DLC1: variants seen among roughly 807,000 people sequenced by gnomAD.
DLC1 encodes the protein DLC1 Rho GTPase activating protein.
Under a neutral mutation model 140.3 loss-of-function variants are expected in DLC1, and 54 were observed. The observed-to-expected ratio is 0.38, with a 90% confidence interval of 0.31 to 0.48. The LOEUF is 0.48. Among genes scored for constraint, DLC1 ranks in the 20% least tolerant of loss-of-function variants. The pLI, the probability that DLC1 is intolerant of heterozygous loss-of-function variation, is 0.96. For missense variants in DLC1, 2,536 were observed against 1,907.0 expected, an observed-to-expected ratio of 1.33 and a Z score of -6.14; for synonymous variants, 986 against 728.1, an observed-to-expected ratio of 1.35 and a Z score of -5.70.
chr8:13,435,967 AGATT>A (rs1373862303), intron 2 of DLC1, among the ~76,000 whole-genome samples: 2 of 152,226 alleles, frequency 1.3e-5, no homozygotes, highest in Admixed American at 1.3e-4. Context: ...ACCAGCAAAA[AGATT>A]GAGCTGCTGA....
At chr8:13,501,446 T>C (rs1359432934) in intron 1 of DLC1, among the ~76,000 whole-genome samples, 1 of 152,222 alleles carries the variant, frequency 6.6e-6, no homozygotes, top group Non-Finnish European at 1.5e-5. Context: ...CAGACACTTT[T>C]AGTTTTTACT....
intron 2 of DLC1, among the ~76,000 whole-genome samples, chr8:13,462,023 C>T (rs960092030): frequency 1.3e-5 from 2 of 152,134 alleles, no homozygotes; most frequent in African/African-American, 4.8e-5. Flanking sequence ...TCTTGTTCCT[C>T]TCTGTTCCAT....
intron 7 of DLC1, among the ~76,000 whole-genome samples, chr8:13,109,590 C>A (rs375280582): frequency 1.4e-5 from 2 of 144,888 alleles, no homozygotes; most frequent in Non-Finnish European, 1.5e-5. Context: ...AAAAACAGAA[C>A]AAAAAAAAAA....
intron 4 of DLC1, among the ~76,000 whole-genome samples, chr8:13,387,476 A>T (rs1238601434): frequency 6.7e-6 from 1 of 149,974 alleles, no homozygotes; most frequent in Non-Finnish European, 1.5e-5. Flanking sequence ...ATGATGTGAA[A>T]GGTAGAATTT....
At chr8:13,109,535 C>A (rs1021197978) in intron 7 of DLC1, among the ~76,000 whole-genome samples, 1 of 150,516 alleles carries the variant, frequency 6.6e-6, no homozygotes, top group African/African-American at 2.4e-5. Flanking sequence ...CCAGCCTGAG[C>A]GACAGAGTGA....
intron 5 of DLC1, among the ~76,000 whole-genome samples, chr8:13,288,309 G>C (rs941544193): frequency 1.3e-5 from 2 of 152,158 alleles, no homozygotes; most frequent in Non-Finnish European, 2.9e-5. Context: ...ATGGGGCAAT[G>C]TAACGGATTA....
At chr8:13,328,881 A>G (rs1426440399) in intron 4 of DLC1, among the ~76,000 whole-genome samples, 1 of 152,158 alleles carries the variant, frequency 6.6e-6, no homozygotes. Flanking sequence ...ATCTGGGACT[A>G]GGTGAGATGA....
At chr8:13,353,012 C>G (rs1011411734) in intron 4 of DLC1, among the ~76,000 whole-genome samples, 22 of 152,128 alleles carry the variant, frequency 1.4e-4, no homozygotes, top group African/African-American at 3.6e-4. Flanking sequence ...TTTTATGAAT[C>G]TTAGCCCTTT....
At chr8:13,443,727 G>T (rs548899699) in intron 2 of DLC1, among the ~76,000 whole-genome samples, 1 of 151,232 alleles carries the variant, frequency 6.6e-6, no homozygotes, top group African/African-American at 2.4e-5. Context: ...TATGCTACAC[G>T]CAGGCAAATA....
intron 2 of DLC1, among the ~76,000 whole-genome samples, chr8:13,430,290 A>G (rs117036946): frequency 0.026 from 3,940 of 152,338 alleles, 76 homozygotes; most frequent in South Asian, 0.072. Flanking sequence ...TTGTGCCATT[A>G]GTGGCCTTTG....
intron 2 of DLC1, among the ~76,000 whole-genome samples, chr8:13,439,196 CA>C (rs1839251646): frequency 6.6e-6 from 1 of 152,074 alleles, no homozygotes; most frequent in African/African-American, 2.4e-5. Flanking sequence ...TGGTGGTGTG[CA>C]CCTGTGGTCC....
chr8:13,294,429 T>A (rs940239524), intron 5 of DLC1, among the ~76,000 whole-genome samples: 11 of 152,192 alleles, frequency 7.2e-5, no homozygotes, highest in African/African-American at 2.7e-4. Context: ...TGTGCTATAG[T>A]TATATCATTT....
intron 1 of DLC1, among the ~76,000 whole-genome samples, chr8:13,569,325 CT>C (rs1804563979): frequency 6.6e-6 from 1 of 151,144 alleles, no homozygotes; most frequent in South Asian, 2.1e-4. Flanking sequence ...CAGTATTACT[CT>C]TTGCGTTAAG....
rs151069193 is a variant in DLC1, at chr8:13,110,403, T to C, written c.1502+339A>G. 6.6e-3 allele frequency among the ~76,000 whole-genome samples: 1,010 copies of C among 152,298 alleles called. 3 individuals carry two copies. Among genetic ancestry groups the C allele is most frequent in the Non-Finnish European group, 9.6e-3 (655 of 68,036 alleles). ...GTCTTTATATGCCACCCCCCATTTATTCCTCTGAACATGCTTAATTTCCAT... is the reference window on the plus strand; with the variant it reads ...GTCTTTATATGCCACCCCCCATTTACTCCTCTGAACATGCTTAATTTCCAT... On this transcript the variant is annotated intron_variant, in intron 7 of 17. Transcript: ENST00000276297.
Position 13,354,520 on chromosome 8 carries a change from G to C in DLC1, c.1314+39033C>G, listed in dbSNP as rs565505333. Among the ~76,000 whole-genome samples, 4 of 30,778 alleles carry C rather than the reference G, an allele frequency of 1.3e-4. No individual in the cohort carries two copies. In the South Asian group the frequency reaches 3.8e-3, roughly 29 times the overall value. 20.2% of individuals were successfully genotyped at this position (30,778 alleles called of 152,430 possible). On this transcript the variant is annotated intron_variant, in intron 4 of 17. Transcript: ENST00000276297. ...CATGGAAATAAATAGAATGTCTTTA[G>C]AAGTTAAAAAAATAACTGAACTTGT...
At chr8:13,506,230 CACAT>C (rs972965961) in intron 1 of DLC1, among the ~76,000 whole-genome samples, 9 of 151,880 alleles carry the variant, frequency 5.9e-5, no homozygotes, top group Admixed American at 5.2e-4. Context: ...TGTAAACACA[CACAT>C]ATATATAAAT....
intron 3 of DLC1, among the ~76,000 whole-genome samples, chr8:13,395,008 ATC>A (rs1836958665): frequency 2.5e-5 from 2 of 78,840 alleles, no homozygotes; most frequent in Admixed American, 1.3e-4. Context: ...TACATATTCT[ATC>A]TATCTATCTA....
chr8:13,097,335 C>T (rs1818590690), intron 10 of DLC1, among the ~76,000 whole-genome samples: 1 of 151,972 alleles, frequency 6.6e-6, no homozygotes, highest in Non-Finnish European at 1.5e-5. Flanking sequence ...TATCTTGGGG[C>T]TCACTGCAAC....
chr8:13,385,446 A>G lies in DLC1; in HGVS notation c.1314+8107T>C, dbSNP rs75578691. On this transcript the variant is annotated intron_variant, in intron 4 of 17. Coordinates refer to ENST00000276297, the MANE Select transcript of DLC1 (RefSeq NM_182643.3). Reference sequence around the variant, plus strand: ...ACGCTAAAACCCAACAATGACAACAAAAATCTAAGGAGTATAGTTGATTGA... The same window carrying G: ...ACGCTAAAACCCAACAATGACAACAGAAATCTAAGGAGTATAGTTGATTGA... Among the ~76,000 whole-genome samples the G allele has an allele frequency of 9.9e-3, 1,512 of 152,314 alleles. 26 individuals carry two copies. Among genetic ancestry groups the G allele is most frequent in the African/African-American group, 0.034 (1,428 of 41,562 alleles).
Sources: gnomAD v4.1 joint callset for allele counts (sites outside exome capture counted in the v4.1 genomes callset) on GRCh38, gnomAD v4.1.1 for gene constraint, MANE v1.5 for transcripts, NCBI Gene and HGNC (gene_info 2026-07-23, HGNC 2026-07-21) for gene names.